The following NOX4 variants were observed in gnomAD, a reference collection of about 807,000 sequenced individuals.
NOX4 encodes the protein NADPH oxidase 4, also known as kidney oxidase-1.
NOX4 carries 69 observed loss-of-function variants against 87.6 expected under a neutral mutation model. The ratio of observed to expected loss-of-function variants is 0.79; its 90% confidence interval spans 0.65 to 0.96. The LOEUF (loss-of-function observed/expected upper bound fraction) is 0.96, where lower values mean the gene tolerates loss of function less well. Among genes scored for constraint, NOX4 ranks in the 40% least tolerant of loss-of-function variants. The pLI, the probability that NOX4 is intolerant of heterozygous loss-of-function variation, is 0.00. For synonymous variants in NOX4, 275 were observed against 238.2 expected (o/e 1.15, Z -1.42); for missense variants, 680 against 681.5 (o/e 1.00, Z 0.02).
chr11:89,353,314 T>C (rs1329957760), intron 13 of NOX4, among the ~76,000 whole-genome samples: 6 of 152,150 alleles, frequency 3.9e-5, no homozygotes. Flanking sequence ...GCAAACTTCA[T>C]GGTTTTATGC....
the NOX4 span, among the ~76,000 whole-genome samples, chr11:89,571,514 C>T: frequency 2.6e-5 from 4 of 152,126 alleles, no homozygotes; most frequent in African/African-American, 9.6e-5. Flanking sequence ...CCAGGCTGGC[C>T]TCAAACTCCT....
At chr11:89,337,738 G>A (rs970289631) in intron 15 of NOX4, among the ~76,000 whole-genome samples, 2 of 152,018 alleles carry the variant, frequency 1.3e-5, no homozygotes, top group Non-Finnish European at 2.9e-5. Context: ...TCTGATGGTG[G>A]TAGTGGTAGG....
At chr11:89,438,071 G>T (rs1944173575) in intron 6 of NOX4, among the ~76,000 whole-genome samples, 1 of 151,192 alleles carries the variant, frequency 6.6e-6, no homozygotes, top group Non-Finnish European at 1.5e-5. Flanking sequence ...GTAGACCCAG[G>T]AAATTTGTAT....
chr11:89,529,718 T>C, the NOX4 span, among the ~76,000 whole-genome samples: 1 of 152,312 alleles, frequency 6.6e-6, no homozygotes, highest in African/African-American at 2.4e-5. Flanking sequence ...GATACACAAA[T>C]TCTTAAGTTC....
chr11:89,422,795 A>AT (rs147956211), intron 7 of NOX4, among the ~76,000 whole-genome samples: 7,403 of 110,962 alleles, frequency 0.067, 312 homozygotes, highest in Non-Finnish European at 0.074. Context: ...CAAAGTTCTG[A>AT]TTTTTTTTTT....
At chr11:89,550,190 T>C in the NOX4 span, among the ~76,000 whole-genome samples, 1 of 125,604 alleles carries the variant, frequency 8.0e-6, no homozygotes, top group Non-Finnish European at 1.7e-5. Context: ...TGATAGCTAG[T>C]CTTTTTTTTT....
At chr11:89,456,911 G>T (rs960153328) in intron 2 of NOX4, among the ~76,000 whole-genome samples, 5 of 152,164 alleles carry the variant, frequency 3.3e-5, no homozygotes, top group African/African-American at 1.2e-4. Context: ...TGGTGGTGTT[G>T]CAAATGGGAT....
At chr11:89,453,213 C>T (rs187786393) in intron 2 of NOX4, among the ~76,000 whole-genome samples, 65 of 151,628 alleles carry the variant, frequency 4.3e-4, no homozygotes, top group African/African-American at 1.5e-3. Context: ...CACTCCCATC[C>T]CCATGCTCTG....
At chr11:89,533,936 T>G in the NOX4 span, 3 of 152,242 alleles carry the variant, frequency 2.0e-5, no homozygotes, top group African/African-American at 7.2e-5. Flanking sequence ...GTCTTAAGCT[T>G]GTCTCAGGCT....
At position 89,444,226 on chromosome 11, in the gene NOX4, T is replaced by C; in HGVS notation, c.356A>G (p.His119Arg). The C allele has an allele frequency of 6.2e-7, 1 of 1,613,390 alleles. No individual in the cohort carries two copies. Among genetic ancestry groups the C allele is most frequent in the Non-Finnish European group, 8.5e-7 (1 of 1,179,502 alleles). Residue 119 changes from histidine to arginine, a missense_variant, in exon 5 of 18, where the codon CAT becomes CGT. Transcript: ENST00000263317. ...GVTICIFSGV[H>R]VAAHLVNALN... is the part of the protein sequence containing the mutation. The stretch of plus-strand genomic sequence containing the variant: ...GGCATTCACCAGATGGGCAGCCACA[T>C]GCACGCCTACAGAATTACACCAGGG...
At chr11:89,369,753 T>TTTGA in intron 12 of NOX4, among the ~76,000 whole-genome samples, 1 of 151,084 alleles carries the variant, frequency 6.6e-6, no homozygotes. Flanking sequence ...TATTTGTTTG[T>TTTGA]TTGTTTGTTT....
chr11:89,550,009 T>C, the NOX4 span, among the ~76,000 whole-genome samples: 1 of 152,156 alleles, frequency 6.6e-6, no homozygotes, highest in Non-Finnish European at 1.5e-5. Context: ...TTTGGGTATA[T>C]GCCCGGTAAT....
chr11:89,447,256 C>A (rs1944748359), intron 4 of NOX4, among the ~76,000 whole-genome samples: 1 of 151,962 alleles, frequency 6.6e-6, no homozygotes. Context: ...ATAATCCTTT[C>A]ATATTAAATT....
At chr11:89,588,192 G>A in the NOX4 span, among the ~76,000 whole-genome samples, 1 of 152,114 alleles carries the variant, frequency 6.6e-6, no homozygotes, top group African/African-American at 2.4e-5. Flanking sequence ...AACTTTTGTT[G>A]CTTGACTTTT....
intron 12 of NOX4, among the ~76,000 whole-genome samples, chr11:89,365,172 C>T (rs528124248): frequency 6.6e-6 from 1 of 152,180 alleles, no homozygotes; most frequent in Admixed American, 6.6e-5. Context: ...TGAAGGTAGA[C>T]AATGCAGTAT....
At chr11:89,538,741 ATT>A in the NOX4 span, among the ~76,000 whole-genome samples, 18 of 151,522 alleles carry the variant, frequency 1.2e-4, no homozygotes, top group Admixed American at 3.3e-4. Flanking sequence ...TTATTTCACA[ATT>A]TCCTAGATCA....
At chr11:89,433,662 A>G (rs1943928954) in intron 6 of NOX4, among the ~76,000 whole-genome samples, 1 of 152,148 alleles carries the variant, frequency 6.6e-6, no homozygotes, top group African/African-American at 2.4e-5. Flanking sequence ...AGAATAAACT[A>G]CAATGTTGAT....
intron 2 of NOX4, among the ~76,000 whole-genome samples, chr11:89,484,564 CA>C (rs1946512953): frequency 6.6e-6 from 1 of 151,888 alleles, no homozygotes; most frequent in South Asian, 2.1e-4. Flanking sequence ...CTAAGGAGAA[CA>C]ATAGACTAAA....
chr11:89,342,344 A>T, intron 13 of NOX4, 151 bp from the exon 14 acceptor site: 1 of 590,626 alleles, frequency 1.7e-6, no homozygotes, highest in Non-Finnish European at 2.9e-6. Flanking sequence ...AGCCTAAAGG[A>T]GTAGCAAATG....
Sources: gnomAD v4.1 joint callset for allele counts (sites outside exome capture counted in the v4.1 genomes callset) on GRCh38, gnomAD v4.1.1 for gene constraint, MANE v1.5 for transcripts, NCBI Gene and HGNC (gene_info 2026-07-23, HGNC 2026-07-21) for gene names.